The following CFAP70 variants were observed in gnomAD, a reference collection of about 807,000 sequenced individuals.
CFAP70 encodes cilia and flagella associated protein 70, also known as cilia- and flagella-associated protein 70.
CFAP70 carries 81 observed loss-of-function variants against 137.6 expected under a neutral mutation model. That is an observed-to-expected ratio of 0.59 (90% CI 0.49 to 0.71). CFAP70 has a LOEUF of 0.71. CFAP70 is among the 30% of genes least tolerant of loss of function. The pLI is 0.00. For missense variants in CFAP70, 976 were observed against 1,226.7 expected, an observed-to-expected ratio of 0.80 and a Z score of 3.05; for synonymous variants, 382 against 423.6, an observed-to-expected ratio of 0.90 and a Z score of 1.20.
chr10:73,258,103 T>C (rs1280143645), intron 25 of CFAP70, among the ~76,000 whole-genome samples: 1 of 152,194 alleles, frequency 6.6e-6, no homozygotes, highest in African/African-American at 2.4e-5. Flanking sequence ...AAATTGTAGA[T>C]ATGAATGTAA....
intron 24 of CFAP70, among the ~76,000 whole-genome samples, chr10:73,271,348 C>G (rs368076204): frequency 2.6e-5 from 4 of 152,104 alleles, no homozygotes; most frequent in African/African-American, 9.7e-5. Context: ...CCTGTGACTA[C>G]TAAAAACACA....
At chr10:73,303,182 C>T (rs1353201609) in intron 12 of CFAP70, among the ~76,000 whole-genome samples, 1 of 152,068 alleles carries the variant, frequency 6.6e-6, no homozygotes, top group Non-Finnish European at 1.5e-5. Context: ...CAGGTGTGAA[C>T]CACCATACCC....
intron 12 of CFAP70, among the ~76,000 whole-genome samples, chr10:73,306,281 T>C (rs1196220637): frequency 6.6e-6 from 1 of 152,056 alleles, no homozygotes; most frequent in Non-Finnish European, 1.5e-5. Flanking sequence ...AGAAAGAATT[T>C]TTAAGAAATA....
intron 25 of CFAP70, among the ~76,000 whole-genome samples, chr10:73,265,730 G>A (rs922343828): frequency 6.6e-6 from 1 of 152,128 alleles, no homozygotes; most frequent in Non-Finnish European, 1.5e-5. Flanking sequence ...CCATATATAT[G>A]TCAGTCTATT....
intron 9 of CFAP70, 63 bp downstream of exon 10, chr10:73,322,900 T>C (rs2051003685): frequency 1.4e-6 from 2 of 1,423,084 alleles, no homozygotes; most frequent in African/African-American, 1.4e-5. Context: ...ATGCTAAAGA[T>C]GTAAGTAAAC....
intron 4 of CFAP70, among the ~76,000 whole-genome samples, chr10:73,345,745 T>C (rs2053643864): frequency 6.6e-6 from 1 of 151,820 alleles, no homozygotes; most frequent in African/African-American, 2.4e-5. Context: ...GGCAGTGAGC[T>C]GAGATTGTGC....
intron 19 of CFAP70, among the ~76,000 whole-genome samples, chr10:73,282,178 G>C (rs944452618): frequency 2.6e-5 from 4 of 152,218 alleles, no homozygotes; most frequent in African/African-American, 7.2e-5. Flanking sequence ...CACATGCAGA[G>C]AGGAGGAGCG....
chr10:73,331,750 A>T (rs1048413690), intron 7 of CFAP70, among the ~76,000 whole-genome samples: 3 of 152,224 alleles, frequency 2.0e-5, no homozygotes, highest in Non-Finnish European at 2.9e-5. Flanking sequence ...CATTCCAAAA[A>T]TAATTCTGCT....
At chr10:73,291,663 T>C in exon 18 of CFAP70, 2 of 1,613,796 alleles carry the variant, frequency 1.2e-6, no homozygotes, top group Non-Finnish European at 1.7e-6. Flanking sequence ...GGCTACAACA[T>C]TAGTTGGTTC....
intron 9 of CFAP70, 131 bp from the exon 11 acceptor site, chr10:73,312,774 T>C: frequency 1.3e-6 from 1 of 782,114 alleles, no homozygotes; most frequent in Non-Finnish European, 2.0e-6. Flanking sequence ...GAGAAGGGAC[T>C]TGAAAGACTT....
At chr10:73,299,075 G>C (rs1468928963) in exon 14 of CFAP70, 2 of 1,613,648 alleles carry the variant, frequency 1.2e-6, no homozygotes, top group Admixed American at 1.7e-5. Flanking sequence ...AAATATTCTT[G>C]ATCTGTATGT....
intron 12 of CFAP70, among the ~76,000 whole-genome samples, chr10:73,306,517 A>G (rs1214308790): frequency 6.6e-6 from 1 of 152,168 alleles, no homozygotes; most frequent in Non-Finnish European, 1.5e-5. Context: ...TATCAAAACC[A>G]TGGAGGCCAG....
At chr10:73,308,810 GAAAA>G (rs199522556) in intron 12 of CFAP70, among the ~76,000 whole-genome samples, 1,265 of 92,520 alleles carry the variant, frequency 0.014, 16 homozygotes, top group South Asian at 0.038. Flanking sequence ...CAAGAGAAAT[GAAAA>G]AAAAAAAAAA....
chr10:73,288,648 C>A (rs1248538893), intron 19 of CFAP70, among the ~76,000 whole-genome samples: 4 of 152,172 alleles, frequency 2.6e-5, no homozygotes, highest in African/African-American at 9.7e-5. Context: ...TTAGTTCAAC[C>A]AGCCACATAA....
chr10:73,270,453 CAGCCACCCTTT>C (rs1417919266), intron 24 of CFAP70, among the ~76,000 whole-genome samples: 11 of 126,136 alleles, frequency 8.7e-5, no homozygotes, highest in Admixed American at 1.6e-4. Flanking sequence ...CTCCCCTCCC[CAGCCACCCTTT>C]TCTTTTCTCT....
chr10:73,272,665 T>A, intron 24 of CFAP70: 1 of 531,928 alleles, frequency 1.9e-6, no homozygotes, highest in Non-Finnish European at 3.4e-6. Flanking sequence ...CAAAGGAGTG[T>A]CTATACCAAA....
Position 73,320,155 on chromosome 10 carries a change from ACTTT to A in CFAP70, c.912+2804_912+2807del, listed in dbSNP as rs774812491. ...ACTTGATGTTTTTGGTAAACGAAAT[ACTTT>A]CTTTCATACTTTTCACTGCTTTCAA... is the stretch of plus-strand genomic sequence containing the variant. On this transcript the variant is annotated intron_variant, in intron 9 of 26. Transcript: ENST00000310715. Among the ~76,000 whole-genome samples, 26 of 152,252 alleles carry A rather than the reference ACTTT, an allele frequency of 1.7e-4. No homozygotes were observed. In the East Asian group the frequency reaches 4.4e-3, roughly 26 times the overall value.
At chr10:73,350,038 A>G (rs1210484732) in intron 3 of CFAP70, among the ~76,000 whole-genome samples, 3 of 152,150 alleles carry the variant, frequency 2.0e-5, no homozygotes, top group African/African-American at 4.8e-5. Context: ...ACATTTCCCA[A>G]TTATCCCCAA....
intron 25 of CFAP70, among the ~76,000 whole-genome samples, chr10:73,262,041 A>G (rs2045292027): frequency 6.9e-6 from 1 of 143,952 alleles, no homozygotes; most frequent in Non-Finnish European, 1.5e-5. Context: ...GTATATATGT[A>G]TATATTATAT....
Sources: gnomAD v4.1 joint callset for allele counts (sites outside exome capture counted in the v4.1 genomes callset) on GRCh38, gnomAD v4.1.1 for gene constraint, MANE v1.5 for transcripts, NCBI Gene and HGNC (gene_info 2026-07-23, HGNC 2026-07-21) for gene names.